TFDP2: variants seen among roughly 807,000 people sequenced by gnomAD.
TFDP2 encodes the protein transcription factor Dp-2, also known as transcription factor Dp-2 (E2F dimerization partner 2).
In TFDP2, 17 loss-of-function variants were observed where a neutral mutation model predicts 59.3. The observed-to-expected ratio is 0.29, with a 90% CI of 0.20 to 0.43. The LOEUF is 0.43. Among genes scored for constraint, TFDP2 ranks in the 20% least tolerant of loss-of-function variants. The pLI is 1.00. For synonymous variants in TFDP2, 180 were observed against 194.7 expected, an observed-to-expected ratio of 0.92 and a Z score of 0.63; for missense variants, 391 against 528.8, an observed-to-expected ratio of 0.74 and a Z score of 2.56.
At chr3:142,142,622 C>T (rs978686430) in intron 1 of TFDP2, among the ~76,000 whole-genome samples, 2 of 152,172 alleles carry the variant, frequency 1.3e-5, no homozygotes, top group Admixed American at 6.5e-5. Context: ...TTATATGGAA[C>T]CACAAAAGAC....
intron 3 of TFDP2, among the ~76,000 whole-genome samples, chr3:142,020,129 G>A (rs180731472): frequency 6.6e-6 from 1 of 152,148 alleles, no homozygotes; most frequent in East Asian, 1.9e-4. Flanking sequence ...CCTTAAGACT[G>A]TATTTCTAAT....
chr3:142,149,391 G>A lies in TFDP2; in HGVS notation c.-301C>T. ...CAACCGTGCGCGCGCCCTCGAGCCTGCCCAAAGATGAAGGGTCAGGGCGCG... is the reference window on the plus strand; with the variant it reads ...CAACCGTGCGCGCGCCCTCGAGCCTACCCAAAGATGAAGGGTCAGGGCGCG... On this transcript the variant is annotated 5_prime_UTR_variant, in exon 1 of 13. Transcript: ENST00000489671. The A allele has an allele frequency of 2.6e-6, 1 of 386,664 alleles. No individual in the cohort carries two copies. The highest frequency in any genetic ancestry group is 3.7e-5 in the East Asian group (1 of 27,238). 24.0% of individuals were successfully genotyped at this position (386,664 alleles called of 1,614,324 possible). A position where few individuals can be genotyped will look rare whatever the true frequency, so the allele number is the denominator to read the frequency against.
chr3:142,023,227 T>C (rs977172454), intron 3 of TFDP2, among the ~76,000 whole-genome samples: 1 of 151,634 alleles, frequency 6.6e-6, no homozygotes, highest in East Asian at 1.9e-4. Context: ...TTGTGTCACC[T>C]AGGCTGGAGT....
At chr3:142,095,785 T>C (rs897832966) in intron 2 of TFDP2, among the ~76,000 whole-genome samples, 3 of 152,224 alleles carry the variant, frequency 2.0e-5, no homozygotes, top group Admixed American at 2.0e-4. Flanking sequence ...TCTTCTGCTA[T>C]AGGAAGATGA....
rs1333643109 is a variant in TFDP2 at position 141,968,794 on chromosome 3, CAT to C, written c.732+1277_732+1278del. Among the ~76,000 whole-genome samples the C allele has an allele frequency of 4.0e-4, 30 of 74,884 alleles. 1 individual carries two copies. Among genetic ancestry groups the C allele is most frequent in the Admixed American group, 7.5e-4 (4 of 5,302 alleles). The allele number at this position is 74,884 out of a possible 152,430, so 49.1% of individuals were successfully genotyped here. On this transcript the variant is annotated intron_variant, in intron 9 of 12. Transcript: ENST00000489671. ...ATCTCATATATAGATATATATAACA[CAT>C]ATATATCTCATATATAGATATATAT...
intron 1 of TFDP2, among the ~76,000 whole-genome samples, chr3:142,111,113 G>A (rs984620241): frequency 2.0e-5 from 3 of 152,070 alleles, no homozygotes; most frequent in Non-Finnish European, 1.5e-5. Flanking sequence ...CACTACAAGT[G>A]CTATGATGGA....
intron 3 of TFDP2, among the ~76,000 whole-genome samples, chr3:142,023,138 A>AG (rs1455328656): frequency 1.1e-4 from 17 of 150,334 alleles, no homozygotes; most frequent in Middle Eastern, 3.4e-3. Context: ...AAAAAAAAAA[A>AG]AAAAAGAAAA....
intron 2 of TFDP2, among the ~76,000 whole-genome samples, chr3:142,096,488 C>T (rs1362506582): frequency 6.6e-6 from 1 of 152,110 alleles, no homozygotes; most frequent in East Asian, 1.9e-4. Context: ...GGAAAATATG[C>T]TGAGTATTCC....
rs1046231560 is a variant in TFDP2, at chr3:141,951,615, G to A, written c.*898C>T. On this transcript the variant is annotated 3_prime_UTR_variant, in exon 13 of 13. Transcript: ENST00000489671. Reference sequence around the variant, plus strand: ...GATCATACAATTACTGCAGGGAACTGTAGGCAAGCAATTTGGTCATAGGAA... The same window carrying A: ...GATCATACAATTACTGCAGGGAACTATAGGCAAGCAATTTGGTCATAGGAA... The A allele has an allele frequency of 2.0e-5, 3 of 152,628 alleles. No individual in the cohort carries two copies. Among genetic ancestry groups the A allele is most frequent in the Non-Finnish European group, 2.9e-5 (2 of 68,030 alleles). The allele number at this position is 152,628 out of a possible 1,614,324, so 9.5% of individuals were successfully genotyped here. A position where few individuals can be genotyped will look rare whatever the true frequency, so the allele number is the denominator to read the frequency against.
At chr3:142,102,683 C>T (rs1268279290) in intron 1 of TFDP2, among the ~76,000 whole-genome samples, 1 of 152,176 alleles carries the variant, frequency 6.6e-6, no homozygotes, top group African/African-American at 2.4e-5. Context: ...GCATAAATCA[C>T]TTTAGCCAAG....
At chr3:141,953,091 G>T in intron 11 of TFDP2, 75 bp from the exon 12 acceptor site, 1 of 1,002,826 alleles carries the variant, frequency 1.0e-6, no homozygotes, top group Non-Finnish European at 1.6e-6. Context: ...TCTGAGGAAA[G>T]CACAGAAAAG....
chr3:142,112,443 CTTA>C (rs929006925), intron 1 of TFDP2, among the ~76,000 whole-genome samples: 3 of 152,190 alleles, frequency 2.0e-5, no homozygotes, highest in Non-Finnish European at 4.4e-5. Context: ...CTTCCCTCAT[CTTA>C]TACGTTTTAT....
At chr3:142,110,208 G>GAA (rs549926637) in intron 1 of TFDP2, among the ~76,000 whole-genome samples, 1 of 148,260 alleles carries the variant, frequency 6.7e-6, no homozygotes, top group African/African-American at 2.5e-5. Context: ...AAAAATTGAA[G>GAA]AAAAAAAAAA....
At chr3:142,060,936 C>G (rs6772024) in intron 3 of TFDP2, among the ~76,000 whole-genome samples, 23 of 152,190 alleles carry the variant, frequency 1.5e-4, no homozygotes, top group African/African-American at 4.8e-4. Flanking sequence ...ATTTCAACTC[C>G]GTCTACTGAA....
At chr3:142,111,201 G>T (rs916849438) in intron 1 of TFDP2, among the ~76,000 whole-genome samples, 20 of 152,256 alleles carry the variant, frequency 1.3e-4, no homozygotes, top group African/African-American at 4.6e-4. Context: ...GGCCGAGGCA[G>T]GTGGATTACC....
chr3:142,075,135 G>T (rs139213592), intron 3 of TFDP2, among the ~76,000 whole-genome samples: 2 of 152,226 alleles, frequency 1.3e-5, no homozygotes, highest in East Asian at 3.9e-4. Context: ...CATGACATCA[G>T]ATTTGGCAAT....
chr3:142,014,297 C>T (rs1486285190), intron 3 of TFDP2, among the ~76,000 whole-genome samples: 1 of 151,998 alleles, frequency 6.6e-6, no homozygotes, highest in Non-Finnish European at 1.5e-5. Context: ...TGTGCACCAC[C>T]ATGCCCAGGT....
At chr3:142,080,137 T>C (rs574415750) in intron 3 of TFDP2, among the ~76,000 whole-genome samples, 11 of 152,224 alleles carry the variant, frequency 7.2e-5, no homozygotes, top group African/African-American at 2.6e-4. Flanking sequence ...CTAATTCTTG[T>C]ATTTTTAGTA....
chr3:142,045,882 C>G (rs1211202093), intron 3 of TFDP2, among the ~76,000 whole-genome samples: 1 of 151,956 alleles, frequency 6.6e-6, no homozygotes, highest in Non-Finnish European at 1.5e-5. Context: ...CTTGGTCTCC[C>G]AAAGTGGTGG....
Sources: allele counts gnomAD v4.1 joint callset (sites outside exome capture counted in the v4.1 genomes callset), GRCh38; gene constraint gnomAD v4.1.1; transcripts MANE v1.5; gene names NCBI Gene and HGNC (gene_info 2026-07-23, HGNC 2026-07-21).